Variants in GALNT13 observed in about 807,000 individuals in gnomAD.
GALNT13 encodes UDP-GalNAc:polypeptide N-acetylgalactosaminyltransferase 13.
A neutral mutation model predicts 64.2 loss-of-function variants in GALNT13; 28 were observed. The ratio of observed to expected loss-of-function variants is 0.44; its 90% CI spans 0.32 to 0.60. GALNT13 has a LOEUF of 0.60. Among genes scored for constraint, GALNT13 ranks in the 20% least tolerant of loss-of-function variants. The pLI is 0.05. For synonymous variants in GALNT13, 214 were observed against 224.6 expected, an observed-to-expected ratio of 0.95 and a Z score of 0.42; for missense variants, 577 against 669.8, an observed-to-expected ratio of 0.86 and a Z score of 1.53.
At chr2:153,082,764 T>C in the GALNT13 span, among the ~76,000 whole-genome samples, 1 of 145,742 alleles carries the variant, frequency 6.9e-6, no homozygotes, top group East Asian at 2.0e-4. Flanking sequence ...ATAAATAAAA[T>C]ATATATTATT....
At chr2:154,251,633 C>G (rs1690075484) in intron 7 of GALNT13, among the ~76,000 whole-genome samples, 1 of 152,192 alleles carries the variant, frequency 6.6e-6, no homozygotes, top group Non-Finnish European at 1.5e-5. Context: ...TTCTTCTCTA[C>G]AGAAAGCCAC....
intron 3 of GALNT13, among the ~76,000 whole-genome samples, chr2:154,044,886 G>A (rs1205398688): frequency 6.6e-6 from 1 of 152,126 alleles, no homozygotes; most frequent in Admixed American, 6.5e-5. Flanking sequence ...GAGATATCTA[G>A]AGGGTAGATA....
intron 4 of GALNT13, among the ~76,000 whole-genome samples, chr2:154,214,890 A>C (rs1687962881): frequency 6.6e-6 from 1 of 152,192 alleles, no homozygotes; most frequent in South Asian, 2.1e-4. Flanking sequence ...CCTTAAGAGC[A>C]GTCTGTTTCC....
At chr2:153,656,535 A>G in the GALNT13 span, among the ~76,000 whole-genome samples, 1 of 152,128 alleles carries the variant, frequency 6.6e-6, no homozygotes, top group Non-Finnish European at 1.5e-5. Context: ...TAGGTACTCC[A>G]TATTGGTTGA....
the GALNT13 span, among the ~76,000 whole-genome samples, chr2:153,455,557 G>A: frequency 7.2e-5 from 11 of 152,174 alleles, no homozygotes; most frequent in African/African-American, 2.7e-4. Context: ...ATAGGTGAGC[G>A]GGTACAGGAA....
chr2:153,190,189 T>C, the GALNT13 span, among the ~76,000 whole-genome samples: 1 of 152,110 alleles, frequency 6.6e-6, no homozygotes, highest in East Asian at 1.9e-4. Context: ...TCCTATAGTG[T>C]TTCCCGTGTG....
intron 3 of GALNT13, among the ~76,000 whole-genome samples, chr2:153,958,699 A>G (rs935867006): frequency 7.2e-5 from 11 of 152,190 alleles, no homozygotes; most frequent in African/African-American, 2.7e-4. Context: ...CACTTTTCAT[A>G]GGTAGCAAGG....
the GALNT13 span, among the ~76,000 whole-genome samples, chr2:153,250,495 C>G: frequency 1.3e-5 from 2 of 152,008 alleles, no homozygotes; most frequent in South Asian, 2.1e-4. Flanking sequence ...GATCTAGAAC[C>G]AGAAATACCA....
intron 9 of GALNT13, among the ~76,000 whole-genome samples, chr2:154,338,995 G>A (rs1695607928): frequency 6.6e-6 from 1 of 152,126 alleles, no homozygotes; most frequent in African/African-American, 2.4e-5. Context: ...GAGCAGAGGT[G>A]CATAATGCAC....
At chr2:154,033,490 A>G (rs940587080) in intron 3 of GALNT13, among the ~76,000 whole-genome samples, 42 of 152,242 alleles carry the variant, frequency 2.8e-4, no homozygotes, top group African/African-American at 9.9e-4. Context: ...ATCTAATTAA[A>G]ACAAATGAAT....
the GALNT13 span, among the ~76,000 whole-genome samples, chr2:153,286,903 G>T: frequency 3.9e-5 from 6 of 151,964 alleles, no homozygotes; most frequent in African/African-American, 1.2e-4. Context: ...GTTTTAAAAT[G>T]ATTTAAAGCT....
intron 3 of GALNT13, among the ~76,000 whole-genome samples, chr2:154,055,232 C>A (rs1300733852): frequency 6.6e-6 from 1 of 151,996 alleles, no homozygotes; most frequent in Non-Finnish European, 1.5e-5. Context: ...AAAATAATAT[C>A]TTTGATGGGT....
chr2:153,795,847 C>T, the GALNT13 span, among the ~76,000 whole-genome samples: 10 of 152,304 alleles, frequency 6.6e-5, no homozygotes, highest in South Asian at 8.3e-4. Flanking sequence ...TACGAACACA[C>T]GCAGTCAATT....
intron 8 of GALNT13, among the ~76,000 whole-genome samples, chr2:154,269,648 A>C (rs1691214224): frequency 1.3e-5 from 2 of 151,680 alleles, no homozygotes; most frequent in South Asian, 4.1e-4. Flanking sequence ...TGGTTCAGCA[A>C]ATGTTTCTCT....
the GALNT13 span, among the ~76,000 whole-genome samples, chr2:153,069,406 AG>A: frequency 6.6e-6 from 1 of 152,184 alleles, no homozygotes; most frequent in South Asian, 2.1e-4. Context: ...GGATGATGAA[AG>A]GGTTGGAGTA....
intron 8 of GALNT13, among the ~76,000 whole-genome samples, chr2:154,275,204 A>G (rs1691576645): frequency 2.0e-5 from 3 of 152,158 alleles, no homozygotes; most frequent in Admixed American, 2.0e-4. Context: ...GGAGAAATTC[A>G]AGCCTGTTGC....
chr2:154,223,874 A>G (rs949111379), intron 4 of GALNT13, among the ~76,000 whole-genome samples: 1 of 152,140 alleles, frequency 6.6e-6, no homozygotes, highest in Admixed American at 6.6e-5. Context: ...ACATTTAGCA[A>G]TTACAACTGA....
the GALNT13 span, among the ~76,000 whole-genome samples, chr2:153,531,847 T>A: frequency 6.6e-6 from 1 of 152,176 alleles, no homozygotes; most frequent in East Asian, 1.9e-4. Context: ...GGACAGTCAT[T>A]AAATCTTAAA....
At chr2:153,816,446 A>G in the GALNT13 span, among the ~76,000 whole-genome samples, 3 of 152,188 alleles carry the variant, frequency 2.0e-5, no homozygotes, top group Non-Finnish European at 4.4e-5. Context: ...AGGGCAGTTC[A>G]TGGAATGATT....
Sources: allele counts gnomAD v4.1 joint callset (sites outside exome capture counted in the v4.1 genomes callset), GRCh38; gene constraint gnomAD v4.1.1; transcripts MANE v1.5; gene names NCBI Gene and HGNC (gene_info 2026-07-23, HGNC 2026-07-21).